Variants in NRXN1 observed in about 807,000 individuals in gnomAD.
NRXN1 encodes neurexin 1, also known as neurexin-1.
A neutral mutation model predicts 150.9 loss-of-function variants in NRXN1; 39 were observed. The observed-to-expected ratio is 0.26, with a 90% CI of 0.20 to 0.34. The LOEUF is 0.34. Ranked by LOEUF, NRXN1 falls within the 10% of genes least tolerant of loss-of-function variation. The probability of loss-of-function intolerance (pLI) is 1.00; values close to 1 mark genes in which losing one functional copy is unlikely to be tolerated. For synonymous variants in NRXN1, 924 were observed against 757.0 expected (o/e 1.22, Z -3.62); for missense variants, 1,815 against 1,949.9 (o/e 0.93, Z 1.30).
intron 21 of NRXN1, among the ~76,000 whole-genome samples, chr2:49,989,086 G>T (rs976940613): frequency 1.3e-4 from 20 of 152,152 alleles, no homozygotes; most frequent in African/African-American, 4.3e-4. Context: ...TGAATGCTAA[G>T]ATTGTTTAAT....
intron 18 of NRXN1, among the ~76,000 whole-genome samples, chr2:50,111,949 T>TATAAA (rs1170166651): frequency 6.6e-6 from 1 of 152,070 alleles, no homozygotes; most frequent in Non-Finnish European, 1.5e-5. Flanking sequence ...AACCGTAAGA[T>TATAAA]ATAAAATGGG....
At chr2:50,930,809 A>T (rs1687628978) in intron 2 of NRXN1, among the ~76,000 whole-genome samples, 1 of 152,130 alleles carries the variant, frequency 6.6e-6, no homozygotes, top group Non-Finnish European at 1.5e-5. Flanking sequence ...GACAGACAAC[A>T]CTGAGCAGAG....
intron 21 of NRXN1, among the ~76,000 whole-genome samples, chr2:50,018,388 G>T (rs1686990215): frequency 6.6e-6 from 1 of 152,012 alleles, no homozygotes; most frequent in Non-Finnish European, 1.5e-5. Context: ...GAGCAAGCAG[G>T]GACTTCTTTT....
At chr2:50,102,723 G>A (rs1330638097) in intron 18 of NRXN1, among the ~76,000 whole-genome samples, 3 of 152,080 alleles carry the variant, frequency 2.0e-5, no homozygotes, top group Non-Finnish European at 2.9e-5. Flanking sequence ...AATCAATAAT[G>A]AACATTTAGC....
chr2:50,799,878 A>G (rs1707351453), intron 5 of NRXN1, among the ~76,000 whole-genome samples: 1 of 152,118 alleles, frequency 6.6e-6, no homozygotes, highest in African/African-American at 2.4e-5. Context: ...ACACTTTAAG[A>G]CATCCTCAAT....
At chr2:50,216,910 T>A (rs969524525) in intron 18 of NRXN1, among the ~76,000 whole-genome samples, 1 of 152,214 alleles carries the variant, frequency 6.6e-6, no homozygotes, top group Middle Eastern at 3.4e-3. Context: ...TGAAATATCA[T>A]TATTATTTTT....
intron 18 of NRXN1, among the ~76,000 whole-genome samples, chr2:50,143,806 T>C (rs1418167756): frequency 6.6e-6 from 1 of 151,860 alleles, no homozygotes; most frequent in Non-Finnish European, 1.5e-5. Flanking sequence ...GGGTGCACAA[T>C]GTTTGCCCAG....
intron 21 of NRXN1, among the ~76,000 whole-genome samples, chr2:50,027,400 T>TCCTC (rs1216229000): frequency 2.0e-5 from 3 of 146,730 alleles, no homozygotes; most frequent in South Asian, 4.7e-4. Context: ...CTTCCTTCCT[T>TCCTC]CCTCCCTCCC....
At chr2:50,062,659 G>A (rs1459038188) in intron 19 of NRXN1, among the ~76,000 whole-genome samples, 2 of 152,050 alleles carry the variant, frequency 1.3e-5, no homozygotes, top group African/African-American at 4.8e-5. Context: ...ATTTCATGGT[G>A]TGACTCAGAG....
intron 21 of NRXN1, among the ~76,000 whole-genome samples, chr2:50,038,365 TTCTCTC>T (rs1012325918): frequency 4.0e-5 from 6 of 151,132 alleles, no homozygotes; most frequent in African/African-American, 1.5e-4. Context: ...ATCCTGGGCT[TTCTCTC>T]TCTCTCTCTC....
intron 5 of NRXN1, among the ~76,000 whole-genome samples, chr2:50,760,020 A>G (rs1360585841): frequency 1.3e-5 from 2 of 151,908 alleles, no homozygotes; most frequent in Non-Finnish European, 2.9e-5. Context: ...GCACAAGCAG[A>G]TCATAGACTC....
Position 50,284,266 on chromosome 2 carries a change from G to A in NRXN1, c.3365-47296C>T, listed in dbSNP as rs117205282. Among the ~76,000 whole-genome samples the A allele has an allele frequency of 7.9e-5, 12 of 152,230 alleles. No homozygotes were observed. In the East Asian group the frequency reaches 1.2e-3, roughly 15 times the overall value. On this transcript the variant is annotated intron_variant, in intron 17 of 22. Coordinates refer to ENST00000401669, the MANE Select transcript of NRXN1 (RefSeq NM_001330078.2). ...TCTCTTCATGTCTTAATCCAAGGCC[G>A]ATACTGTACCATCTACTTGGAATCT...
intron 5 of NRXN1, among the ~76,000 whole-genome samples, chr2:50,735,145 C>T (rs1036988583): frequency 2.6e-5 from 4 of 152,058 alleles, no homozygotes; most frequent in African/African-American, 4.8e-5. Context: ...ATAGGCCTTT[C>T]GTTTATTGCC....
intron 17 of NRXN1, among the ~76,000 whole-genome samples, chr2:50,246,400 G>A (rs571774371): frequency 1.3e-5 from 2 of 152,116 alleles, no homozygotes; most frequent in East Asian, 3.9e-4. Flanking sequence ...GCATCGCATA[G>A]TTAAATAGAA....
chr2:49,942,958 C>CCAAAA (rs1010905730), intron 22 of NRXN1, among the ~76,000 whole-genome samples: 6 of 151,832 alleles, frequency 4.0e-5, no homozygotes, highest in African/African-American at 1.5e-4. Context: ...CCAAACCAAA[C>CCAAAA]CAAAACAAAA....
intron 5 of NRXN1, among the ~76,000 whole-genome samples, chr2:50,911,134 C>G (rs1684456508): frequency 6.6e-6 from 1 of 151,950 alleles, no homozygotes; most frequent in Admixed American, 6.6e-5. Context: ...GGATCCCCCT[C>G]AAATCACATG....
chr2:50,828,830 G>A (rs1404818321), intron 5 of NRXN1, among the ~76,000 whole-genome samples: 3 of 152,172 alleles, frequency 2.0e-5, no homozygotes, highest in East Asian at 1.9e-4. Context: ...ACGGGGTGGC[G>A]GCCAGGCAGA....
intron 5 of NRXN1, among the ~76,000 whole-genome samples, chr2:50,808,416 C>G (rs149807393): frequency 1.6e-3 from 238 of 152,008 alleles, no homozygotes; most frequent in African/African-American, 5.5e-3. Flanking sequence ...GGTAAATTAA[C>G]CAACTACCAT....
intron 2 of NRXN1, among the ~76,000 whole-genome samples, chr2:50,956,425 C>T (rs770528918): frequency 3.0e-4 from 45 of 152,128 alleles, no homozygotes; most frequent in Middle Eastern, 3.4e-3. Context: ...TACTCACTAA[C>T]GTGATGGGCT....
Sources: allele counts gnomAD v4.1 joint callset (sites outside exome capture counted in the v4.1 genomes callset), GRCh38; gene constraint gnomAD v4.1.1; transcripts MANE v1.5; gene names NCBI Gene and HGNC (gene_info 2026-07-23, HGNC 2026-07-21).